RBBP4: variants seen among roughly 807,000 people sequenced by gnomAD.
RBBP4 encodes RB binding protein 4, chromatin remodeling factor.
Under a neutral mutation model 57.2 loss-of-function variants are expected in RBBP4, and 3 were observed. That is an observed-to-expected ratio of 0.05 (90% CI 0.02 to 0.14). The LOEUF (loss-of-function observed/expected upper bound fraction) is 0.14, where lower values mean the gene tolerates loss of function less well. Ranked by LOEUF, RBBP4 falls within the 10% of genes least tolerant of loss-of-function variation. The pLI, the probability that RBBP4 is intolerant of heterozygous loss-of-function variation, is 1.00. For missense variants in RBBP4, 107 were observed against 520.6 expected (o/e 0.21, Z 7.73); for synonymous variants, 151 against 171.5 (o/e 0.88, Z 0.93).
intron 3 of RBBP4, among the ~76,000 whole-genome samples, chr1:32,665,110 C>T (rs1648588678): frequency 6.6e-6 from 1 of 152,086 alleles, no homozygotes; most frequent in African/African-American, 2.4e-5. Context: ...CACAATAAAA[C>T]GAGCTATGCC....
chr1:32,681,923 T>C lies in RBBP4; in HGVS notation c.*2218T>C. 1 of 1,439,330 alleles carries C rather than the reference T, an allele frequency of 6.9e-7. No homozygotes were observed. The highest frequency in any genetic ancestry group is 2.3e-5 in the East Asian group (1 of 44,022). 89.2% of individuals were successfully genotyped at this position (1,439,330 alleles called of 1,614,324 possible). ...TCTGAGGTTTAGTTACTGCAGGCTTTGTTGAGAAGAGATTGTTACAGTGTG... is the reference window on the plus strand; with the variant it reads ...TCTGAGGTTTAGTTACTGCAGGCTTCGTTGAGAAGAGATTGTTACAGTGTG... On this transcript the variant is annotated 3_prime_UTR_variant, in exon 12 of 12. Coordinates refer to ENST00000373493, the MANE Select transcript of RBBP4 (RefSeq NM_005610.3).
chr1:32,671,620 A>T (rs1193989605), intron 8 of RBBP4, among the ~76,000 whole-genome samples: 2 of 151,892 alleles, frequency 1.3e-5, no homozygotes, highest in Non-Finnish European at 2.9e-5. Flanking sequence ...GCTACGCAGG[A>T]GGTTGAGGCA....
At position 32,672,660 on chromosome 1, in the gene RBBP4, A is replaced by G. The variant is rs138140913; in HGVS notation, c.1062A>G (p.Gln354=). Residue 354 remains glutamine, a synonymous_variant, in exon 10 of 12, where the codon CAA becomes CAG. Transcript: ENST00000373493. ...GTACTAGTAAAATTGGAGAGGAACAATCCCCAGAAGATGCAGAAGACGGGC... is the reference window on the plus strand; with the variant it reads ...GTACTAGTAAAATTGGAGAGGAACAGTCCCCAGAAGATGCAGAAGACGGGC... ...VWDLSKIGEE[Q]SPEDAEDGPP... is the part of the protein sequence containing the mutation. The G allele has an allele frequency of 1.9e-3, 3,087 of 1,614,106 alleles. 6 individuals are homozygous for G. The highest frequency in any genetic ancestry group is 2.5e-3 in the Admixed American group (150 of 60,026).
intron 2 of RBBP4, among the ~76,000 whole-genome samples, chr1:32,656,444 C>G (rs926744637): frequency 2.0e-5 from 3 of 152,174 alleles, no homozygotes; most frequent in African/African-American, 7.2e-5. Flanking sequence ...CCTCTGCCTC[C>G]TGGGTTCAAG....
Position 32,682,923 on chromosome 1 carries a change from T to TGG in RBBP4, c.*3222_*3223dup, listed in dbSNP as rs1308393503. 6.6e-6 allele frequency: 1 copy of TGG among 152,110 alleles called. No individual in the cohort carries two copies. The highest frequency in any genetic ancestry group is 1.5e-5 in the Non-Finnish European group (1 of 68,026). The allele number at this position is 152,110 out of a possible 1,614,324, so 9.4% of individuals were successfully genotyped here. A position where few individuals can be genotyped will look rare whatever the true frequency, so the allele number is the denominator to read the frequency against. Reference sequence around the variant, plus strand: ...TTATCAGAATATACTGGTAAAACATTGGGGGAGGGATCCTGAGTAGGTGAT... The same window carrying TGG: ...TTATCAGAATATACTGGTAAAACATTGGGGGGGAGGGATCCTGAGTAGGTGAT... On this transcript the variant is annotated 3_prime_UTR_variant, in exon 12 of 12. Transcript: ENST00000373493.
chr1:32,670,109 CACTTT>C (rs1226782203), intron 8 of RBBP4, among the ~76,000 whole-genome samples: 2 of 152,156 alleles, frequency 1.3e-5, no homozygotes, highest in South Asian at 4.1e-4. Context: ...GTAATCCCAG[CACTTT>C]AGGAGGCTGA....
chr1:32,678,315 C>T (rs965276908), intron 11 of RBBP4, among the ~76,000 whole-genome samples: 1 of 151,768 alleles, frequency 6.6e-6, no homozygotes, highest in African/African-American at 2.4e-5. Flanking sequence ...CAACCTCCGC[C>T]TCCTGGGTTC....
intron 3 of RBBP4, among the ~76,000 whole-genome samples, chr1:32,662,564 T>TG (rs1648470566): frequency 6.6e-6 from 1 of 151,554 alleles, no homozygotes; most frequent in South Asian, 2.1e-4. Context: ...TTTGTAGAGA[T>TG]GGGGTTTCAC....
intron 11 of RBBP4, among the ~76,000 whole-genome samples, chr1:32,678,733 G>A (rs1039028237): frequency 6.6e-6 from 1 of 151,388 alleles, no homozygotes; most frequent in African/African-American, 2.4e-5. Context: ...GGGACCACAG[G>A]GGTGCACCCC....
At chr1:32,657,688 G>C (rs1648202887) in intron 3 of RBBP4, 116 bp downstream of exon 3, 1 of 1,160,990 alleles carries the variant, frequency 8.6e-7, no homozygotes, top group African/African-American at 1.6e-5. Context: ...GAAAGCCTGA[G>C]TTTGCAATGG....
intron 8 of RBBP4, among the ~76,000 whole-genome samples, chr1:32,670,119 G>A (rs1648808745): frequency 6.6e-6 from 1 of 152,202 alleles, no homozygotes; most frequent in South Asian, 2.1e-4. Context: ...CACTTTAGGA[G>A]GCTGAGATGG....
chr1:32,684,411 A>G lies in RBBP4; in HGVS notation c.*4706A>G, dbSNP rs1461356805. On this transcript the variant is annotated 3_prime_UTR_variant, in exon 12 of 12. Transcript: ENST00000373493. ...CATGAGATGGCCAAGAACATTTCTAATGAGCCAAACAATAAAAACTCACAT... is the reference window on the plus strand; with the variant it reads ...CATGAGATGGCCAAGAACATTTCTAGTGAGCCAAACAATAAAAACTCACAT... The G allele has an allele frequency of 6.2e-7, 1 of 1,613,812 alleles. No homozygotes were observed. The highest frequency in any genetic ancestry group is 8.5e-7 in the Non-Finnish European group (1 of 1,179,878).
chr1:32,679,384 G>T (rs553619514), intron 11 of RBBP4, among the ~76,000 whole-genome samples: 2 of 152,300 alleles, frequency 1.3e-5, no homozygotes, highest in South Asian at 4.1e-4. Flanking sequence ...CAGTTTTGTG[G>T]GAATGTCCTA....
chr1:32,665,199 G>A (rs1181535353), intron 3 of RBBP4, among the ~76,000 whole-genome samples: 2 of 152,084 alleles, frequency 1.3e-5, no homozygotes, highest in Non-Finnish European at 2.9e-5. Flanking sequence ...TTGTGGGCTG[G>A]AGTTATGGAA....
intron 2 of RBBP4, among the ~76,000 whole-genome samples, chr1:32,657,158 C>T (rs888268610): frequency 3.9e-5 from 6 of 152,106 alleles, no homozygotes; most frequent in African/African-American, 1.4e-4. Flanking sequence ...TTCTTGTAGT[C>T]CCAGCTACTC....
intron 2 of RBBP4, among the ~76,000 whole-genome samples, chr1:32,654,716 G>A (rs565952258): frequency 6.6e-6 from 1 of 152,100 alleles, no homozygotes; most frequent in Non-Finnish European, 1.5e-5. Flanking sequence ...GACGGAGGAC[G>A]GAGTTTCACT....
chr1:32,672,577 A>G, intron 9 of RBBP4, 51 bp downstream of exon 9: 1 of 1,595,480 alleles, frequency 6.3e-7, no homozygotes, highest in Non-Finnish European at 8.6e-7. Context: ...CTTTATTTAC[A>G]CTTTGCAAAG....
chr1:32,657,310 T>C (rs1648188658), intron 2 of RBBP4, 117 bp from the exon 3 acceptor site: 1 of 991,564 alleles, frequency 1.0e-6, no homozygotes, highest in Non-Finnish European at 1.5e-6. Flanking sequence ...CCTTAATGAC[T>C]TTTTCCCCTC....
At position 32,685,718 on chromosome 1, in the gene RBBP4, C is replaced by CT. The variant is rs761766464; in HGVS notation, c.*6014dup. Reference sequence around the variant, plus strand: ...GTCCTGATTGCTCAGTCCTCACTACCTACCAGACCCGTTGGTAAGGTACAA... The same window carrying CT: ...GTCCTGATTGCTCAGTCCTCACTACCTTACCAGACCCGTTGGTAAGGTACAA... On this transcript the variant is annotated 3_prime_UTR_variant, in exon 12 of 12. Transcript: ENST00000373493. 6.6e-6 allele frequency: 1 copy of CT among 152,186 alleles called. No homozygotes were observed. The highest frequency in any genetic ancestry group is 1.5e-5 in the Non-Finnish European group (1 of 68,036). 9.4% of individuals were successfully genotyped at this position (152,186 alleles called of 1,614,324 possible). A position where few individuals can be genotyped will look rare whatever the true frequency, so the allele number is the denominator to read the frequency against.
Sources: allele counts gnomAD v4.1 joint callset (sites outside exome capture counted in the v4.1 genomes callset), GRCh38; gene constraint gnomAD v4.1.1; transcripts MANE v1.5; gene names NCBI Gene and HGNC (gene_info 2026-07-23, HGNC 2026-07-21).